The following IGFN1 variants were observed in gnomAD, a reference collection of about 807,000 sequenced individuals.
The protein encoded by IGFN1 is immunoglobulin like and fibronectin type III domain containing 1.
A neutral mutation model predicts 289.5 loss-of-function variants in IGFN1; 253 were observed. The observed-to-expected ratio is 0.87, with a 90% CI of 0.79 to 0.97. The LOEUF (loss-of-function observed/expected upper bound fraction) is 0.97, where lower values mean the gene tolerates loss of function less well. Ranked by LOEUF, IGFN1 falls within the 50% of genes least tolerant of loss-of-function variation. The pLI, the probability that IGFN1 is intolerant of heterozygous loss-of-function variation, is 0.00. For missense variants in IGFN1, 4,470 were observed against 4,686.1 expected (o/e 0.95, Z 1.35); for synonymous variants, 1,706 against 1,788.5 (o/e 0.95, Z 1.16).
At chr1:201,214,146 G>C in intron 12 of IGFN1, 31 bp from the exon 13 acceptor site, 1 of 1,577,792 alleles carries the variant, frequency 6.3e-7, no homozygotes, top group South Asian at 1.1e-5. Flanking sequence ...TGGGGCGCTC[G>C]GCCCTGGGGA....
chr1:201,227,758 T>A (rs1654205038), intron 23 of IGFN1, among the ~76,000 whole-genome samples: 1 of 152,180 alleles, frequency 6.6e-6, no homozygotes, highest in African/African-American at 2.4e-5. Context: ...ATGAGGTATT[T>A]GAACTTGGTG....
At position 201,213,511 on chromosome 1, in the gene IGFN1, G is replaced by C. The variant is rs763292962; in HGVS notation, c.8618G>C (p.Arg2873Thr). Residue 2873 changes from arginine (R) to threonine (T), a missense_variant, in exon 12 of 24, where the codon AGA (arginine) becomes ACA (threonine). Physicochemically the swap from Arg to Thr is moderately conservative, Grantham distance 71. Around this residue, in one of 8 missense-constraint regions of IGFN1, gnomAD observed 2,218 missense variants for 2,114.1 expected, o/e 1.05. Transcript: ENST00000335211. ...REPPGHLGSR[R>T]SGKDGRLDIY... ...CCCCCTGGTCACCTTGGTAGCAGGA[G>C]AAGTGGCAAAGACGGCAGGTTGGAC... The C allele has an allele frequency of 6.2e-7, 1 of 1,614,074 alleles. No individual in the cohort carries two copies. Among genetic ancestry groups the C allele is most frequent in the South Asian group, 1.1e-5 (1 of 91,084 alleles).
intron 13 of IGFN1, 107 bp from the exon 14 acceptor site, chr1:201,214,906 A>C (rs1458199601): frequency 2.6e-6 from 3 of 1,143,852 alleles, no homozygotes; most frequent in Non-Finnish European, 3.7e-6. Context: ...TTCCATTCAC[A>C]CAGCTGTTAT....
In IGFN1 at chr1:201,213,183, C is replaced by A. The variant is rs748891038; in HGVS notation, c.8290C>A (p.Arg2764=). 5.8e-6 allele frequency: 9 copies of A among 1,551,590 alleles called. No individual in the cohort carries two copies. Among genetic ancestry groups the A allele is most frequent in the African/African-American group, 1.4e-5 (1 of 73,116 alleles). The change falls in exon 12 of 24, where the codon CGA becomes AGA. Residue 2764 remains arginine (R), a synonymous_variant. Coordinates refer to ENST00000335211, the MANE Select transcript of IGFN1 (RefSeq NM_001164586.2). The part of the protein sequence containing the change: ...SGGTQDLSSQ[R]GKGQRGGKRS... ...AGGGACCCAGGACCTGAGCTCTCAG[C>A]GAGGCAAGGGACAGAGAGGAGGAAA...
rs540614710 is a variant in IGFN1 at position 201,214,319 on chromosome 1, A to G, written c.8853+18A>G. 1 of 1,593,254 alleles carries G rather than the reference A, an allele frequency of 6.3e-7. No homozygotes were observed. The highest frequency in any genetic ancestry group is 1.7e-5 in the Admixed American group (1 of 59,186). On this transcript the variant is annotated intron_variant, in intron 13 of 23. Coordinates refer to ENST00000335211, the MANE Select transcript of IGFN1 (RefSeq NM_001164586.2). ...GCGTCAAGGTACTGCCTCCCCTCAC[A>G]CCTTCTCTTTACCAGTGGGAGGGAC...
chr1:201,195,888 G>C lies in IGFN1; in HGVS notation c.177G>C (p.Glu59Asp), dbSNP rs745642333. Reference protein sequence around the residue: ...RAVVCGEPRPEVRWQNSKGDL... With the variant: ...RAVVCGEPRPDVRWQNSKGDL... ...TGGTCTGTGGGGAGCCCAGGCCCGAGGTGCGTTGGCAGAACTCCAAAGGTG... is the reference window on the plus strand; with the variant it reads ...TGGTCTGTGGGGAGCCCAGGCCCGACGTGCGTTGGCAGAACTCCAAAGGTG... The change falls in exon 4 of 24, where the codon GAG becomes GAC. Residue 59 changes from glutamate to aspartate, a missense_variant. This residue lies in a region of IGFN1 where 2,011 missense variants were observed against 1,953.4 expected (regional missense o/e 1.03). Coordinates refer to ENST00000335211, the MANE Select transcript of IGFN1 (RefSeq NM_001164586.2). 2.6e-4 allele frequency: 398 copies of C among 1,551,612 alleles called. 1 individual carries two copies. Among genetic ancestry groups the C allele is most frequent in the Non-Finnish European group, 3.3e-4 (381 of 1,147,006 alleles).
At chr1:201,226,186 A>G in intron 22 of IGFN1, 63 bp downstream of exon 22, 1 of 1,467,258 alleles carries the variant, frequency 6.8e-7, no homozygotes, top group Non-Finnish European at 9.0e-7. Flanking sequence ...ATGCAGTGGG[A>G]TGCACCCAAG....
chr1:201,191,680 G>C (rs1308094548), intron 1 of IGFN1, among the ~76,000 whole-genome samples: 1 of 152,148 alleles, frequency 6.6e-6, no homozygotes, highest in Non-Finnish European at 1.5e-5. Context: ...TTCTAAAAGA[G>C]AGTGGAGCTC....
chr1:201,215,726 C>A lies in IGFN1; in HGVS notation c.9183C>A (p.Gly3061=). The A allele has an allele frequency of 1.2e-6, 2 of 1,612,004 alleles. No individual in the cohort carries two copies. Among genetic ancestry groups the A allele is most frequent in the Non-Finnish European group, 1.7e-6 (2 of 1,179,026 alleles). ...AGGCCCAGGTGGACCTGGGGGATGG[C>A]TACACGCGGCTGTGCCTCCCCAGCG... ...DREAQVDLGD[G]YTRLCLPSAG... is the part of the protein sequence containing the mutation. Residue 3061 remains glycine, a synonymous_variant, in exon 15 of 24, where the codon GGC becomes GGA. Coordinates refer to ENST00000335211, the MANE Select transcript of IGFN1 (RefSeq NM_001164586.2).
rs576244469 is a variant in IGFN1, at chr1:201,206,129, G to T, written c.1236G>T (p.Leu412=). The change falls in exon 12 of 24, where the codon CTG becomes CTT. Residue 412 remains leucine (L), a synonymous_variant. Transcript: ENST00000335211. The part of the protein sequence containing the change: ...DLQSTSADHK[L]QRQGAQASGA... ...AGTCCACAAGTGCTGACCACAAACT[G>T]CAGAGGCAAGGAGCCCAGGCATCAG... 1.3e-6 allele frequency: 2 copies of T among 1,550,894 alleles called. No homozygotes were observed. The highest frequency in any genetic ancestry group is 2.4e-5 in the South Asian group (2 of 84,062).
intron 11 of IGFN1, 147 bp from the exon 12 acceptor site, chr1:201,205,936 A>G: frequency 1.6e-6 from 1 of 637,702 alleles, no homozygotes; most frequent in Admixed American, 3.0e-5. Context: ...CCAGGTGGTC[A>G]CCTTGCTTCT....
At position 201,212,424 on chromosome 1, in the gene IGFN1, G is replaced by A; in HGVS notation, c.7531G>A (p.Val2511Met). The stretch of plus-strand genomic sequence containing the variant: ...TTCTAGAGACAGAGGGGCTCCCAGG[G>A]TGAAGGATAGGTCTCCAGACCAAGC... ...GSSRDRGAPR[V>M]KDRSPDQAGI... Residue 2511 changes from valine (V) to methionine (M), a missense_variant, in exon 12 of 24, where the codon GTG (valine) becomes ATG (methionine). Transcript: ENST00000335211. 2.0e-6 allele frequency: 3 copies of A among 1,537,138 alleles called. No individual in the cohort carries two copies. The highest frequency in any genetic ancestry group is 2.6e-6 in the Non-Finnish European group (3 of 1,146,814).
In IGFN1 at chr1:201,200,325, T is replaced by G. The variant is rs1238907479; in HGVS notation, c.547T>G (p.Cys183Gly). The change falls in exon 8 of 24, where the codon TGC becomes GGC. Residue 183 changes from cysteine (C) to glycine (G), a missense_variant. Around this residue, in one of 8 missense-constraint regions of IGFN1, gnomAD observed 2,011 missense variants for 1,953.4 expected, o/e 1.03. Transcript: ENST00000335211. The stretch of plus-strand genomic sequence containing the variant: ...AGACAGGAAGGACTACGAGAAGATC[T>G]GCTTGAAGTATGGCATCGTCGACTA... ...TADRKDYEKI[C>G]LKYGIVDYRG... 6.4e-7 allele frequency: 1 copy of G among 1,551,756 alleles called. No homozygotes were observed. Among genetic ancestry groups the G allele is most frequent in the Non-Finnish European group, 8.7e-7 (1 of 1,147,008 alleles).
intron 8 of IGFN1, 146 bp downstream of exon 8, chr1:201,200,557 G>A: frequency 4.4e-6 from 3 of 680,508 alleles, no homozygotes; most frequent in South Asian, 1.9e-5. Context: ...TCCCCAGTGG[G>A]GTATCTGGCT....
At position 201,206,658 on chromosome 1, in the gene IGFN1, G is replaced by A; in HGVS notation, c.1765G>A (p.Asp589Asn). Reference sequence around the variant, plus strand: ...CAGAGGGGACAGTGGAAGACAACTGGACAGGCATGCCCCAGAGCAACTGTG... The same window carrying A: ...CAGAGGGGACAGTGGAAGACAACTGAACAGGCATGCCCCAGAGCAACTGTG... ...EHRGDSGRQLDRHAPEQLWDA... is the reference protein window; with the variant it reads ...EHRGDSGRQLNRHAPEQLWDA... Residue 589 changes from aspartate (D) to asparagine (N), a missense_variant, in exon 12 of 24, where the codon GAC (aspartate) becomes AAC (asparagine). Around this residue, in one of 8 missense-constraint regions of IGFN1, gnomAD observed 2,011 missense variants for 1,953.4 expected, o/e 1.03. Coordinates refer to ENST00000335211, the MANE Select transcript of IGFN1 (RefSeq NM_001164586.2). 3 of 1,537,738 alleles carry A rather than the reference G, an allele frequency of 2.0e-6. 1 individual carries two copies. In the South Asian group the frequency reaches 3.6e-5, roughly 18 times the overall value.
chr1:201,195,443 C>CA (rs1168743891), intron 3 of IGFN1, among the ~76,000 whole-genome samples: 1 of 152,178 alleles, frequency 6.6e-6, no homozygotes, highest in Non-Finnish European at 1.5e-5. Context: ...TGAGCCCCTG[C>CA]GCCTGCCCGG....
At chr1:201,191,376 T>C (rs1666651879) in intron 1 of IGFN1, among the ~76,000 whole-genome samples, 1 of 152,070 alleles carries the variant, frequency 6.6e-6, no homozygotes, top group Admixed American at 6.5e-5. Context: ...ATGTGCAGGA[T>C]GGATCCGGGG....
Position 201,211,459 on chromosome 1 carries a change from G to T in IGFN1, c.6566G>T (p.Gly2189Val). Residue 2189 changes from glycine to valine, a missense_variant, in exon 12 of 24, where the codon GGT (glycine) becomes GTT (valine). Gly to Val is a moderately radical substitution (Grantham distance 109). Around this residue, in one of 8 missense-constraint regions of IGFN1, gnomAD observed 2,218 missense variants for 2,114.1 expected, o/e 1.05. Coordinates refer to ENST00000335211, the MANE Select transcript of IGFN1 (RefSeq NM_001164586.2). ...RKDLGAPEGM[G>V]SGSKAGFRDG... ...GATTTGGGAGCTCCTGAGGGAATGG[G>T]TTCAGGGAGTAAGGCAGGTTTCAGG... The T allele has an allele frequency of 1.3e-6, 2 of 1,500,762 alleles. No homozygotes were observed. The highest frequency in any genetic ancestry group is 2.6e-5 in the East Asian group (1 of 38,266). 93.0% of individuals were successfully genotyped at this position (1,500,762 alleles called of 1,614,324 possible). A position where few individuals can be genotyped will look rare whatever the true frequency, so the allele number is the denominator to read the frequency against.
intron 19 of IGFN1, chr1:201,222,157 G>A (rs771956598): frequency 2.4e-4 from 39 of 165,004 alleles, no homozygotes; most frequent in African/African-American, 8.1e-4. Flanking sequence ...CATGGTTCAC[G>A]TTCAGAATGG....
Sources: gnomAD v4.1 joint callset for allele counts (sites outside exome capture counted in the v4.1 genomes callset) on GRCh38, gnomAD v4.1.1 for gene constraint, gnomAD v4.1.1 regional missense constraint, MANE v1.5 for transcripts, NCBI Gene and HGNC (gene_info 2026-07-23, HGNC 2026-07-21) for gene names.